Variants in LYRM4 observed in about 807,000 individuals in gnomAD.
LYRM4 encodes LYR motif-containing protein 4.
A neutral mutation model predicts 11.7 loss-of-function variants in LYRM4; 9 were observed. The ratio of observed to expected loss-of-function variants is 0.77; its 90% CI spans 0.46 to 1.34. The LOEUF is 1.34. Ranked by LOEUF, LYRM4 falls within the 40% of genes most tolerant of loss-of-function variation. The pLI is 0.00. For synonymous variants in LYRM4, 42 were observed against 40.4 expected (o/e 1.04, Z -0.15); for missense variants, 133 against 112.5 (o/e 1.18, Z -0.82).
chr6:5,073,760 ATG>A, the LYRM4 span, among the ~76,000 whole-genome samples: 3 of 152,178 alleles, frequency 2.0e-5, no homozygotes, highest in African/African-American at 7.2e-5. Context: ...ATCCATCAGA[ATG>A]TCAGCAAGAG....
At chr6:5,040,882 G>GGA in the LYRM4 span, among the ~76,000 whole-genome samples, 1 of 150,042 alleles carries the variant, frequency 6.7e-6, no homozygotes, top group African/African-American at 2.4e-5. Context: ...TGGGGAAACA[G>GGA]AAAAAAAAAA....
the LYRM4 span, chr6:5,086,264 TCCTGGACGTG>T: frequency 1.3e-6 from 2 of 1,535,472 alleles, no homozygotes; most frequent in Non-Finnish European, 1.7e-6. Context: ...TGGCGCTCCT[TCCTGGACGTG>T]CCGGCTGAGC....
chr6:5,133,860 G>A (rs1054474804), intron 2 of LYRM4, among the ~76,000 whole-genome samples: 1 of 152,142 alleles, frequency 6.6e-6, no homozygotes, highest in African/African-American at 2.4e-5. Flanking sequence ...CATATAATAT[G>A]TGGCTTTTGT....
In LYRM4 at chr6:5,163,214, T is replaced by TAAATCTAC. The variant is rs1471534679; in HGVS notation, c.207+53396_207+53403dup. Among the ~76,000 whole-genome samples the TAAATCTAC allele has an allele frequency of 3.3e-5, 5 of 152,242 alleles. No homozygotes were observed. The East Asian group carries it at 9.6e-4, about 29-fold the overall frequency. On this transcript the variant is annotated intron_variant, in intron 2 of 2. Transcript: ENST00000330636. ...ACTTCATTGTTTCACCATTCCCATT[T>TAAATCTAC]AAATCTACAATCCATTTCATGTATG...
chr6:5,103,693 G>A (rs1206248514), downstream of LYRM4: 1 of 141,238 alleles, frequency 7.1e-6, no homozygotes, highest in East Asian at 2.1e-4. Flanking sequence ...CTGGAGTTCA[G>A]TGGCGTGATC....
At chr6:5,138,390 G>A (rs1240083552) in intron 2 of LYRM4, among the ~76,000 whole-genome samples, 2 of 150,512 alleles carry the variant, frequency 1.3e-5, no homozygotes, top group Non-Finnish European at 3.0e-5. Context: ...AGGCTGAGGT[G>A]GGAGGATCAC....
intron 2 of LYRM4, among the ~76,000 whole-genome samples, chr6:5,206,592 T>C (rs1033033363): frequency 3.9e-5 from 6 of 152,124 alleles, no homozygotes; most frequent in African/African-American, 1.4e-4. Context: ...GGCCTAGAGG[T>C]GAGGACTTCA....
intron 1 of LYRM4, among the ~76,000 whole-genome samples, chr6:5,222,276 A>G (rs1425474042): frequency 6.6e-6 from 1 of 152,240 alleles, no homozygotes; most frequent in African/African-American, 2.4e-5. Context: ...CAAGAAAAGT[A>G]CCAATAACCA....
chr6:5,131,021 A>G lies in LYRM4; in HGVS notation c.208-21530T>C, dbSNP rs543792454. Among the ~76,000 whole-genome samples, 10 of 152,350 alleles carry G rather than the reference A, an allele frequency of 6.6e-5. No homozygotes were observed. The East Asian group carries it at 1.9e-3, about 29-fold the overall frequency. On this transcript the variant is annotated intron_variant, in intron 2 of 2. Transcript: ENST00000330636. Reference sequence around the variant, plus strand: ...AATGGACTAACTGGGAAAGGTAACAAAACAAGATGAAAACCCTTTAAACAA... The same window carrying G: ...AATGGACTAACTGGGAAAGGTAACAGAACAAGATGAAAACCCTTTAAACAA...
chr6:5,132,653 C>T (rs1025856397), intron 2 of LYRM4: 3 of 152,166 alleles, frequency 2.0e-5, no homozygotes, highest in Non-Finnish European at 2.9e-5. Flanking sequence ...AGGATATTAA[C>T]GAGTAATGCT....
chr6:5,249,253 G>C (rs1330220409), intron 1 of LYRM4, among the ~76,000 whole-genome samples: 1 of 152,120 alleles, frequency 6.6e-6, no homozygotes, highest in East Asian at 1.9e-4. Flanking sequence ...CAAGGTCACA[G>C]AATAAAAAAA....
the LYRM4 span, among the ~76,000 whole-genome samples, chr6:5,068,609 C>T: frequency 6.6e-6 from 1 of 152,154 alleles, no homozygotes; most frequent in Non-Finnish European, 1.5e-5. This position sits in a 1 kb window ranked among gnomAD's most constrained non-coding sequence, Gnocchi z 4.0. Flanking sequence ...GGGCCCACTG[C>T]GTGCTGTCTC....
chr6:5,131,841 A>G (rs569321867), intron 2 of LYRM4, among the ~76,000 whole-genome samples: 1 of 152,350 alleles, frequency 6.6e-6, no homozygotes, highest in African/African-American at 2.4e-5. Context: ...AAGAATATTT[A>G]AAGACTTGGA....
intron 2 of LYRM4, among the ~76,000 whole-genome samples, chr6:5,212,794 G>A (rs1182184439): frequency 2.0e-5 from 3 of 152,198 alleles, no homozygotes; most frequent in South Asian, 2.1e-4. Context: ...CAGGGGAGAC[G>A]TGGTCCAAGA....
chr6:5,097,006 C>T, the LYRM4 span, among the ~76,000 whole-genome samples: 7 of 152,184 alleles, frequency 4.6e-5, no homozygotes, highest in South Asian at 6.2e-4. Context: ...CATGGTGGGA[C>T]GCTCTTAGTT....
chr6:5,062,230 G>A, the LYRM4 span, among the ~76,000 whole-genome samples: 1 of 146,666 alleles, frequency 6.8e-6, no homozygotes, highest in Non-Finnish European at 1.5e-5. Context: ...GACTACATGT[G>A]CACACCAACA....
chr6:5,240,630 C>T (rs1270320896), intron 1 of LYRM4: 3 of 152,196 alleles, frequency 2.0e-5, no homozygotes, highest in African/African-American at 7.2e-5. Context: ...TTCCGTCTCC[C>T]CGCAGACAGG....
the LYRM4 span, chr6:5,085,462 G>C: frequency 6.6e-7 from 1 of 1,510,048 alleles, no homozygotes; most frequent in East Asian, 2.5e-5. Flanking sequence ...TTCGGCCCGA[G>C]CAAGTCCAGG....
chr6:5,100,428 A>G (rs746671512), downstream of LYRM4, among the ~76,000 whole-genome samples: 13 of 152,210 alleles, frequency 8.5e-5, no homozygotes, highest in Non-Finnish European at 1.5e-4. Context: ...GATGGATGGA[A>G]GATGACTGCT....
Sources: allele counts gnomAD v4.1 joint callset (sites outside exome capture counted in the v4.1 genomes callset), GRCh38; gene constraint gnomAD v4.1.1; non-coding constraint Gnocchi (gnomAD v3.1); transcripts MANE v1.5; gene names NCBI Gene and HGNC (gene_info 2026-07-23, HGNC 2026-07-21).